The following GMDS variants were observed in gnomAD, a reference collection of about 807,000 sequenced individuals.
GMDS encodes GDP-mannose 4,6 dehydratase.
In GMDS, 20 loss-of-function variants were observed where a neutral mutation model predicts 49.9. The observed-to-expected ratio is 0.40, with a 90% CI of 0.28 to 0.58. The LOEUF (loss-of-function observed/expected upper bound fraction) is 0.58, where lower values mean the gene tolerates loss of function less well. Among genes scored for constraint, GMDS ranks in the 20% least tolerant of loss-of-function variants. GMDS has a pLI of 0.42. For missense variants in GMDS, 362 were observed against 481.4 expected, an observed-to-expected ratio of 0.75 and a Z score of 2.32; for synonymous variants, 177 against 178.6, an observed-to-expected ratio of 0.99 and a Z score of 0.07.
chr6:1,946,535 T>C (rs976916778), intron 6 of GMDS, among the ~76,000 whole-genome samples: 5 of 152,132 alleles, frequency 3.3e-5, no homozygotes, highest in Non-Finnish European at 5.9e-5. Context: ...TCACTAACAG[T>C]CCCGTAAGTT....
chr6:1,688,680 G>A (rs529150873), intron 9 of GMDS, among the ~76,000 whole-genome samples: 1 of 152,294 alleles, frequency 6.6e-6, no homozygotes, highest in East Asian at 1.9e-4. Context: ...TTTAATTTAT[G>A]TTAAACGTAT....
chr6:1,800,408 G>A (rs944542975), intron 7 of GMDS, among the ~76,000 whole-genome samples: 1 of 152,016 alleles, frequency 6.6e-6, no homozygotes, highest in Admixed American at 6.6e-5. Flanking sequence ...CCAGCAGAAT[G>A]TTCTTATGAC....
At position 1,652,381 on chromosome 6, in the gene GMDS, ATATATATATATTATAT is replaced by A. The variant is rs1241931906; in HGVS notation, c.988-27857_988-27842del. Among the ~76,000 whole-genome samples the A allele has an allele frequency of 1.3e-3, 8 of 6,302 alleles. 1 individual carries two copies. Among genetic ancestry groups the A allele is most frequent in the African/African-American group, 1.6e-3 (3 of 1,910 alleles). 4.1% of individuals were successfully genotyped at this position (6,302 alleles called of 152,430 possible). On this transcript the variant is annotated intron_variant, in intron 9 of 10. Coordinates refer to ENST00000380815, the MANE Select transcript of GMDS (RefSeq NM_001500.4). ...GAGTGAAACTCCGCTAAAAAAAAAA[ATATATATATATTATAT>A]ATATATATATATTATATATAATATA...
intron 4 of GMDS, among the ~76,000 whole-genome samples, chr6:2,107,267 C>CT (rs1774297220): frequency 6.6e-6 from 1 of 152,140 alleles, no homozygotes; most frequent in African/African-American, 2.4e-5. Context: ...CATATAAATT[C>CT]TTAATGGACT....
chr6:1,860,184 C>T (rs535064878), intron 7 of GMDS, among the ~76,000 whole-genome samples: 1 of 152,176 alleles, frequency 6.6e-6, no homozygotes, highest in South Asian at 2.1e-4. Context: ...GTTAAGAATA[C>T]ATATAAATGT....
chr6:2,002,756 C>T (rs1419001000), intron 4 of GMDS, among the ~76,000 whole-genome samples: 1 of 152,048 alleles, frequency 6.6e-6, no homozygotes, highest in Non-Finnish European at 1.5e-5. Context: ...CAAATACTAC[C>T]CCTAGAAATA....
chr6:1,760,389 A>G (rs1015748383), intron 7 of GMDS, among the ~76,000 whole-genome samples: 14 of 152,320 alleles, frequency 9.2e-5, no homozygotes, highest in South Asian at 6.2e-4. Context: ...TGTTGACCTC[A>G]GTATCCAGTG....
rs35230658 is a variant in GMDS, at chr6:2,059,707, CAAAAAA to C, written c.345+56058_345+56063del. 4.5e-4 allele frequency among the ~76,000 whole-genome samples: 8 copies of C among 17,776 alleles called. No individual in the cohort carries two copies. In the South Asian group the frequency reaches 0.027, roughly 61 times the overall value. 11.7% of individuals were successfully genotyped at this position (17,776 alleles called of 152,430 possible). ...TGGGCGACAGAGCGAGACTCCGTCT[CAAAAAA>C]AAAAAAAAAAAAAATGCACTACTGT... On this transcript the variant is annotated intron_variant, in intron 4 of 10. Coordinates refer to ENST00000380815, the MANE Select transcript of GMDS (RefSeq NM_001500.4).
intron 9 of GMDS, among the ~76,000 whole-genome samples, chr6:1,643,027 G>A (rs1763379968): frequency 6.6e-6 from 1 of 152,168 alleles, no homozygotes. Context: ...CTGACGAGGG[G>A]GGCATCCTGC....
intron 7 of GMDS, among the ~76,000 whole-genome samples, chr6:1,869,076 A>G (rs1489014601): frequency 6.6e-6 from 1 of 152,230 alleles, no homozygotes; most frequent in African/African-American, 2.4e-5. Context: ...GCTTATGAGC[A>G]CCATCTTGTC....
chr6:1,834,690 A>C (rs1226901167), intron 7 of GMDS, among the ~76,000 whole-genome samples: 1 of 152,214 alleles, frequency 6.6e-6, no homozygotes, highest in Non-Finnish European at 1.5e-5. Context: ...ATAAACTATA[A>C]CTTATTAAAC....
intron 4 of GMDS, among the ~76,000 whole-genome samples, chr6:2,011,043 T>G (rs1767527853): frequency 6.6e-6 from 1 of 151,900 alleles, no homozygotes; most frequent in Non-Finnish European, 1.5e-5. Flanking sequence ...AATACCAAAT[T>G]CAACCCAAAT....
intron 4 of GMDS, among the ~76,000 whole-genome samples, chr6:2,071,293 T>C (rs1771980073): frequency 6.6e-6 from 1 of 152,216 alleles, no homozygotes. Flanking sequence ...TTATTTTTCT[T>C]TCTACATACC....
intron 6 of GMDS, chr6:1,930,947 T>C (rs1460520479): frequency 6.6e-6 from 1 of 152,214 alleles, no homozygotes; most frequent in Non-Finnish European, 1.5e-5. Context: ...TATTTTGAAA[T>C]GATTGGTTGA....
intron 1 of GMDS, among the ~76,000 whole-genome samples, chr6:2,135,209 T>C (rs1775933385): frequency 6.6e-6 from 1 of 152,202 alleles, no homozygotes; most frequent in Admixed American, 6.5e-5. Flanking sequence ...CCATATACAG[T>C]TTAGCACAAA....
rs150002731 is a variant in GMDS, at chr6:1,822,797, C to T, written c.772-80211G>A. ...AAGTAAAAACTTCAGTGAAATGCCT[C>T]GCCTATATTTTAAATATTTCAATAC... On this transcript the variant is annotated intron_variant, in intron 7 of 10. Coordinates refer to ENST00000380815, the MANE Select transcript of GMDS (RefSeq NM_001500.4). Among the ~76,000 whole-genome samples, 1,053 of 152,210 alleles carry T rather than the reference C, an allele frequency of 6.9e-3. 7 individuals are homozygous for T. Among genetic ancestry groups the T allele is most frequent in the Middle Eastern group, 0.027 (8 of 292 alleles).
At chr6:2,146,518 T>C (rs554695782) in intron 1 of GMDS, among the ~76,000 whole-genome samples, 3 of 152,316 alleles carry the variant, frequency 2.0e-5, no homozygotes, top group Admixed American at 6.5e-5. Flanking sequence ...ACAGGAATTA[T>C]GTTATATTAC....
rs1284123341 is a variant in GMDS, at chr6:1,640,119, C to T, written c.988-15579G>A. Among the ~76,000 whole-genome samples, 1 of 152,164 alleles carries T rather than the reference C, an allele frequency of 6.6e-6. No individual in the cohort carries two copies. The highest frequency in any genetic ancestry group is 1.5e-5 in the Non-Finnish European group (1 of 68,026). ...CGGCTCTACTGGGGCCCAGGGGATG[C>T]AGTTAGACCCCAGAAGGATGTACCA... On this transcript the variant is annotated intron_variant, in intron 9 of 10. Transcript: ENST00000380815. The surrounding 1 kb of genome is among the most constrained non-coding windows in gnomAD (Gnocchi z 4.0).
At chr6:2,032,008 T>A (rs1376683530) in intron 4 of GMDS, among the ~76,000 whole-genome samples, 2 of 152,212 alleles carry the variant, frequency 1.3e-5, no homozygotes, top group Non-Finnish European at 2.9e-5. Context: ...TAAAAATTTA[T>A]AATTGTATAA....
Sources: allele counts gnomAD v4.1 joint callset (sites outside exome capture counted in the v4.1 genomes callset), GRCh38; gene constraint gnomAD v4.1.1; non-coding constraint Gnocchi (gnomAD v3.1); transcripts MANE v1.5; gene names NCBI Gene and HGNC (gene_info 2026-07-23, HGNC 2026-07-21).